Variants in IL36B observed in about 807,000 individuals in gnomAD.
IL36B encodes interleukin 36 beta.
IL36B carries 23 observed loss-of-function variants against 19.3 expected under a neutral mutation model. The ratio of observed to expected loss-of-function variants is 1.19; its 90% CI spans 0.86 to 1.69. The LOEUF is 1.69. Ranked by LOEUF, IL36B falls within the 40% of genes most tolerant of loss-of-function variation. The pLI is 0.00. For synonymous variants in IL36B, 59 were observed against 59.7 expected (o/e 0.99, Z 0.05); for missense variants, 217 against 200.5 (o/e 1.08, Z -0.50).
intron 1 of IL36B, among the ~76,000 whole-genome samples, chr2:113,046,877 C>G (rs1377508987): frequency 6.6e-6 from 1 of 152,186 alleles, no homozygotes; most frequent in Non-Finnish European, 1.5e-5. Context: ...CATTTCCATA[C>G]TATATTCATT....
intron 4 of IL36B, among the ~76,000 whole-genome samples, chr2:113,028,607 G>T (rs1003633092): frequency 6.6e-6 from 1 of 152,176 alleles, no homozygotes; most frequent in African/African-American, 2.4e-5. Context: ...AGTCACCTTT[G>T]GTGTAGTGAG....
intron 5 of IL36B, chr2:113,026,046 A>G (rs145453972): frequency 6.3e-7 from 1 of 1,587,060 alleles, no homozygotes; most frequent in Non-Finnish European, 8.6e-7. Flanking sequence ...ACCATGAAGA[A>G]TGAACGCATC....
intron 1 of IL36B, among the ~76,000 whole-genome samples, chr2:113,037,735 A>G (rs1378346529): frequency 2.0e-5 from 3 of 151,756 alleles, no homozygotes; most frequent in South Asian, 2.1e-4. Context: ...GGAGTTTTCT[A>G]TATCCTTATG....
intron 1 of IL36B, among the ~76,000 whole-genome samples, chr2:113,049,491 A>G (rs895049138): frequency 6.6e-6 from 1 of 152,240 alleles, no homozygotes; most frequent in African/African-American, 2.4e-5. Context: ...TTGAGTAGAC[A>G]TTTCTCCAAA....
intron 1 of IL36B, among the ~76,000 whole-genome samples, chr2:113,045,291 T>C (rs990141284): frequency 6.6e-6 from 1 of 152,208 alleles, no homozygotes; most frequent in African/African-American, 2.4e-5. Context: ...AATATGTTGC[T>C]CTACTGCTTT....
At chr2:113,028,576 T>A (rs1324580842) in intron 4 of IL36B, among the ~76,000 whole-genome samples, 1 of 152,220 alleles carries the variant, frequency 6.6e-6, no homozygotes, top group Non-Finnish European at 1.5e-5. Context: ...ATTCAAAATC[T>A]TTTTGTCTCC....
At chr2:113,028,068 G>A in intron 4 of IL36B, 3 of 1,614,094 alleles carry the variant, frequency 1.9e-6, no homozygotes, top group Non-Finnish European at 2.5e-6. Context: ...AAAAGAGAAA[G>A]GGCTTCTGTG....
chr2:113,028,008 A>G (rs1424229182), intron 4 of IL36B: 7 of 1,614,066 alleles, frequency 4.3e-6, no homozygotes, highest in Non-Finnish European at 5.1e-6. Flanking sequence ...TGAACCAGCC[A>G]GGGTAAGAGA....
At chr2:113,046,836 T>C (rs1372406396) in intron 1 of IL36B, among the ~76,000 whole-genome samples, 1 of 152,186 alleles carries the variant, frequency 6.6e-6, no homozygotes, top group Non-Finnish European at 1.5e-5. Flanking sequence ...GTTCATTAGG[T>C]TTCTCCACTG....
chr2:113,049,361 CA>C (rs1194435449), intron 1 of IL36B, among the ~76,000 whole-genome samples: 1 of 152,062 alleles, frequency 6.6e-6, no homozygotes, highest in East Asian at 1.9e-4. Context: ...TAAGGTAACT[CA>C]GGGAATGGGA....
intron 1 of IL36B, among the ~76,000 whole-genome samples, chr2:113,047,856 A>C (rs1685375111): frequency 6.6e-6 from 1 of 152,308 alleles, no homozygotes; most frequent in South Asian, 2.1e-4. Flanking sequence ...AACCAATATA[A>C]ATATATAATG....
In IL36B at chr2:113,022,685, C is replaced by T. The variant is rs893710089; in HGVS notation, c.484G>A (p.Gly162Arg). ...TCCTCCCCTTATTTCTACATCCTTC[C>T]TGGCATTCCTATGTTGGTCCGCATG... is the stretch of plus-strand genomic sequence containing the variant. Residue 162 changes from glycine to arginine, a missense_variant, in exon 6 of 6, where the codon GGA becomes AGA. Physicochemically the swap from Gly to Arg is moderately radical, Grantham distance 125. Transcript: ENST00000259213. 6.2e-7 allele frequency: 1 copy of T among 1,600,948 alleles called. No individual in the cohort carries two copies. Among genetic ancestry groups the T allele is most frequent in the South Asian group, 1.1e-5 (1 of 90,818 alleles).
intron 1 of IL36B, among the ~76,000 whole-genome samples, chr2:113,046,994 A>C (rs1685361689): frequency 6.6e-6 from 1 of 152,182 alleles, no homozygotes; most frequent in African/African-American, 2.4e-5. Context: ...TTTGCATGGG[A>C]GATTAGTCTG....
intron 2 of IL36B, 130 bp downstream of exon 2, chr2:113,031,567 T>A (rs999980035): frequency 2.5e-5 from 19 of 764,914 alleles, no homozygotes; most frequent in Non-Finnish European, 4.0e-5. Flanking sequence ...AAGGCCGTTT[T>A]AGGAACTGAG....
At chr2:113,024,450 G>C (rs1327352303) in intron 5 of IL36B, among the ~76,000 whole-genome samples, 1 of 152,172 alleles carries the variant, frequency 6.6e-6, no homozygotes, top group African/African-American at 2.4e-5. Flanking sequence ...GCAAGGCTTA[G>C]GAAACCCACA....
chr2:113,032,922 T>C (rs1042592957), intron 1 of IL36B, among the ~76,000 whole-genome samples: 1 of 152,098 alleles, frequency 6.6e-6, no homozygotes, highest in African/African-American at 2.4e-5. Flanking sequence ...AGAGGCAACA[T>C]CAGAAAACAG....
At position 113,029,058 on chromosome 2, in the gene IL36B, A is replaced by G. The variant is rs1685020543; in HGVS notation, c.142T>C (p.Cys48Arg). ...TTGTCACTGAATTCTGTGTCTCTAC[A>G]GGCTATTAAATGAAGAGTGACTGGA... The change falls in exon 4 of 6, where the codon TGT becomes CGT. Residue 48 changes from cysteine (C) to arginine (R), a missense_variant. Cys to Arg is a radical substitution (Grantham distance 180). Transcript: ENST00000259213. The G allele has an allele frequency of 1.2e-6, 2 of 1,613,210 alleles. No homozygotes were observed. Among genetic ancestry groups the G allele is most frequent in the South Asian group, 1.1e-5 (1 of 90,738 alleles).
intron 1 of IL36B, among the ~76,000 whole-genome samples, chr2:113,043,655 G>C (rs1020239266): frequency 6.6e-6 from 1 of 152,094 alleles, no homozygotes; most frequent in South Asian, 2.1e-4. Context: ...CCGCTCCCCA[G>C]GTTCAAGCAA....
intron 1 of IL36B, among the ~76,000 whole-genome samples, chr2:113,039,145 C>T (rs978713331): frequency 1.6e-4 from 25 of 152,314 alleles, no homozygotes; most frequent in African/African-American, 5.8e-4. Context: ...GGATATGAGA[C>T]TCACTCTGGT....
Sources: gnomAD v4.1 joint callset for allele counts (sites outside exome capture counted in the v4.1 genomes callset) on GRCh38, gnomAD v4.1.1 for gene constraint, MANE v1.5 for transcripts, NCBI Gene and HGNC (gene_info 2026-07-23, HGNC 2026-07-21) for gene names.